SLC6A4: variants seen among roughly 807,000 people sequenced by gnomAD.
The protein encoded by SLC6A4 is sodium-dependent serotonin transporter.
A neutral mutation model predicts 73.4 loss-of-function variants in SLC6A4; 22 were observed. The ratio of observed to expected loss-of-function variants is 0.30; its 90% CI spans 0.21 to 0.43. The LOEUF is 0.43. Ranked by LOEUF, SLC6A4 falls within the 20% of genes least tolerant of loss-of-function variation. The probability of loss-of-function intolerance (pLI) is 1.00; values close to 1 mark genes in which losing one functional copy is unlikely to be tolerated. For synonymous variants in SLC6A4, 270 were observed against 315.5 expected (o/e 0.86, Z 1.53); for missense variants, 593 against 808.5 (o/e 0.73, Z 3.23).
Position 30,215,484 on chromosome 17 carries a change from A to AG in SLC6A4, c.1076+126dup, listed in dbSNP as rs566798877. The AG allele has an allele frequency of 2.6e-4, 194 of 758,794 alleles. No homozygotes were observed. The African/African-American group carries it at 3.1e-3, about 12-fold the overall frequency. 47.0% of individuals were successfully genotyped at this position (758,794 alleles called of 1,614,324 possible). On this transcript the variant is annotated intron_variant, in intron 8 of 14. Transcript: ENST00000650711. ...TGGTCAGGGGCCTGCAGCACCCCTG[A>AG]GGGGCAGTGGTATCAAGGCCTAAGC...
Position 30,218,910 on chromosome 17 carries a change from G to A in SLC6A4, c.365C>T (p.Thr122Ile), listed in dbSNP as rs1199374764. ...GATTCCCCCAAAAATGGCCATGATG[G>A]TGTAGGGGAGGAGGAATGCCCCTGA... is the stretch of plus-strand genomic sequence containing the variant. ...NGGGAFLLPYTIMAIFGGIPL... is the reference protein window; with the variant it reads ...NGGGAFLLPYIIMAIFGGIPL... The change falls in exon 4 of 15, where the codon ACC becomes ATC. Residue 122 changes from threonine to isoleucine, a missense_variant. Thr to Ile is a moderately conservative substitution (Grantham distance 89). Transcript: ENST00000650711. 3 of 1,614,060 alleles carry A rather than the reference G, an allele frequency of 1.9e-6. No individual in the cohort carries two copies. Among genetic ancestry groups the A allele is most frequent in the Non-Finnish European group, 2.5e-6 (3 of 1,180,046 alleles).
At position 30,218,901 on chromosome 17, in the gene SLC6A4, G is replaced by T; in HGVS notation, c.374C>A (p.Ala125Asp). The T allele has an allele frequency of 6.2e-7, 1 of 1,614,154 alleles. No individual in the cohort carries two copies. The highest frequency in any genetic ancestry group is 8.5e-7 in the Non-Finnish European group (1 of 1,180,022). Residue 125 changes from alanine to aspartate, a missense_variant, in exon 4 of 15, where the codon GCC (alanine) becomes GAC (aspartate). Transcript: ENST00000650711. ...GAFLLPYTIM[A>D]IFGGIPLFYM... The stretch of plus-strand genomic sequence containing the variant: ...AAAGAGCGGGATTCCCCCAAAAATG[G>T]CCATGATGGTGTAGGGGAGGAGGAA...
At chr17:30,213,576 G>A (rs1906456340) in intron 8 of SLC6A4, among the ~76,000 whole-genome samples, 1 of 151,730 alleles carries the variant, frequency 6.6e-6, no homozygotes, top group Non-Finnish European at 1.5e-5. Context: ...ACTGCAGGGT[G>A]GTGTCCCAGT....
chr17:30,218,863 C>G lies in SLC6A4; in HGVS notation c.412G>C (p.Ala138Pro). The change falls in exon 4 of 15, where the codon GCA becomes CCA. Residue 138 changes from alanine to proline, a missense_variant. Ala to Pro is a conservative substitution (Grantham distance 27). Coordinates refer to ENST00000650711, the MANE Select transcript of SLC6A4 (RefSeq NM_001045.6). Reference protein sequence around the residue: ...GGIPLFYMELALGQYHRNGCI... With the variant: ...GGIPLFYMELPLGQYHRNGCI... ...CCATTTCGGTGGTACTGTCCCAGTG[C>G]GAGCTCCATGTAAAAGAGCGGGATT... 2.5e-6 allele frequency: 4 copies of G among 1,613,922 alleles called. No homozygotes were observed. Among genetic ancestry groups the G allele is most frequent in the Non-Finnish European group, 2.5e-6 (3 of 1,179,910 alleles).
At chr17:30,215,049 TTCTC>T (rs999941582) in intron 8 of SLC6A4, among the ~76,000 whole-genome samples, 10 of 151,198 alleles carry the variant, frequency 6.6e-5, no homozygotes, top group Admixed American at 1.3e-4. Context: ...CTTTCTTTAT[TTCTC>T]TCTCTCTCTT....
rs1440093655 is a variant in SLC6A4 at position 30,197,422 on chromosome 17, T to G, written c.*1034A>C. On this transcript the variant is annotated 3_prime_UTR_variant, in exon 15 of 15. Coordinates refer to ENST00000650711, the MANE Select transcript of SLC6A4 (RefSeq NM_001045.6). ...GAGAATCCGATTTACCCTCCTCTCT[T>G]CACCGAGCAAAGCAACCTGGACAGT... 2 of 152,372 alleles carry G rather than the reference T, an allele frequency of 1.3e-5. No homozygotes were observed. Among genetic ancestry groups the G allele is most frequent in the Non-Finnish European group, 2.9e-5 (2 of 68,066 alleles). The allele number at this position is 152,372 out of a possible 1,614,324, so 9.4% of individuals were successfully genotyped here.
At chr17:30,226,958 A>G (rs1906949490) in intron 1 of SLC6A4, among the ~76,000 whole-genome samples, 1 of 152,190 alleles carries the variant, frequency 6.6e-6, no homozygotes, top group Non-Finnish European at 1.5e-5. Flanking sequence ...CTAAAATCTG[A>G]AAAAGAAAAC....
intron 3 of SLC6A4, among the ~76,000 whole-genome samples, chr17:30,219,815 G>A (rs564012369): frequency 1.0e-3 from 154 of 152,310 alleles, no homozygotes; most frequent in African/African-American, 3.4e-3. Context: ...TTTCCCTGCT[G>A]TAAAATGCTC....
chr17:30,212,452 T>G (rs1403622396), intron 9 of SLC6A4, among the ~76,000 whole-genome samples: 1 of 152,210 alleles, frequency 6.6e-6, no homozygotes, highest in African/African-American at 2.4e-5. Context: ...AGTGGTGTGA[T>G]CATGGCTCAC....
rs1304834050 is a variant in SLC6A4, at chr17:30,211,164, G to A, written c.1317+148C>T. The A allele has an allele frequency of 8.2e-6, 5 of 613,244 alleles. No homozygotes were observed. The highest frequency in any genetic ancestry group is 7.8e-5 in the South Asian group (4 of 51,574). 38.0% of individuals were successfully genotyped at this position (613,244 alleles called of 1,614,324 possible). A position where few individuals can be genotyped will look rare whatever the true frequency, so the allele number is the denominator to read the frequency against. ...AATGTACCAGAGGGTGGTAAATGCC[G>A]AGGAGTCAGCCGGGGGTCTGGAGCA... On this transcript the variant is annotated intron_variant, in intron 10 of 14. Coordinates refer to ENST00000650711, the MANE Select transcript of SLC6A4 (RefSeq NM_001045.6). This position sits in a 1 kb window ranked among gnomAD's most constrained non-coding sequence, Gnocchi z 4.0.
intron 12 of SLC6A4, 145 bp from the exon 13 acceptor site, chr17:30,207,977 G>A (rs980117333): frequency 6.5e-5 from 40 of 618,730 alleles, no homozygotes; most frequent in Admixed American, 4.9e-4. Flanking sequence ...TTCCTACCCC[G>A]GACACACAGG....
At chr17:30,229,910 T>C (rs1304297044) in intron 1 of SLC6A4, among the ~76,000 whole-genome samples, 1 of 151,900 alleles carries the variant, frequency 6.6e-6, no homozygotes, top group East Asian at 1.9e-4. Context: ...ATACCAGCCT[T>C]TTAGAGGCTG....
chr17:30,219,164 G>A (rs1297017629), intron 3 of SLC6A4, among the ~76,000 whole-genome samples: 1 of 152,192 alleles, frequency 6.6e-6, no homozygotes, highest in Non-Finnish European at 1.5e-5. Context: ...CAATTGGGAA[G>A]AAAGCCTGGT....
chr17:30,214,827 G>T (rs1177444422), intron 8 of SLC6A4, among the ~76,000 whole-genome samples: 2 of 151,648 alleles, frequency 1.3e-5, no homozygotes, highest in African/African-American at 2.4e-5. Context: ...TAGAGATGGG[G>T]TTTCACCGTG....
chr17:30,217,099 GGGT>G, intron 6 of SLC6A4, 64 bp downstream of exon 6: 1 of 1,431,090 alleles, frequency 7.0e-7, no homozygotes, highest in Non-Finnish European at 9.7e-7. Context: ...CCAGGCTACT[GGGT>G]TTTGAGTTTG....
chr17:30,219,545 C>G (rs896117853), intron 3 of SLC6A4, among the ~76,000 whole-genome samples: 1 of 152,218 alleles, frequency 6.6e-6, no homozygotes, highest in African/African-American at 2.4e-5. Context: ...TGGCTCCAGA[C>G]ACATGATTAT....
Position 30,197,425 on chromosome 17 carries a change from C to G in SLC6A4, c.*1031G>C, listed in dbSNP as rs1186081271. The G allele has an allele frequency of 6.6e-6, 1 of 152,498 alleles. No homozygotes were observed. The highest frequency in any genetic ancestry group is 2.4e-5 in the African/African-American group (1 of 41,568). The allele number at this position is 152,498 out of a possible 1,614,324, so 9.4% of individuals were successfully genotyped here. Reference sequence around the variant, plus strand: ...AATCCGATTTACCCTCCTCTCTTCACCGAGCAAAGCAACCTGGACAGTCAA... The same window carrying G: ...AATCCGATTTACCCTCCTCTCTTCAGCGAGCAAAGCAACCTGGACAGTCAA... On this transcript the variant is annotated 3_prime_UTR_variant, in exon 15 of 15. Coordinates refer to ENST00000650711, the MANE Select transcript of SLC6A4 (RefSeq NM_001045.6).
intron 14 of SLC6A4, among the ~76,000 whole-genome samples, chr17:30,200,879 T>G (rs1906010380): frequency 6.6e-6 from 1 of 152,100 alleles, no homozygotes; most frequent in South Asian, 2.1e-4. Flanking sequence ...CCTCCCAGGC[T>G]CAAGCAATTT....
rs1906305831 is a variant in SLC6A4, at chr17:30,209,225, C to T, written c.1467G>A (p.Val489=). ...VTLTFGGAYV[V]KLLEEYATGP... is the part of the protein sequence containing the mutation. ...CCGTGGCATACTCCTCCAGCAGCTT[C>T]ACCACGTAGGCCCCTCCCTGGAGGG... The change falls in exon 12 of 15, where the codon GTG becomes GTA. Residue 489 remains valine, a synonymous_variant. Transcript: ENST00000650711. 6.2e-7 allele frequency: 1 copy of T among 1,612,648 alleles called. No individual in the cohort carries two copies. The highest frequency in any genetic ancestry group is 8.5e-7 in the Non-Finnish European group (1 of 1,179,142).
Sources: allele counts gnomAD v4.1 joint callset (sites outside exome capture counted in the v4.1 genomes callset), GRCh38; gene constraint gnomAD v4.1.1; non-coding constraint Gnocchi (gnomAD v3.1); transcripts MANE v1.5; gene names NCBI Gene and HGNC (gene_info 2026-07-23, HGNC 2026-07-21).